The following FOXN3 variants were observed in gnomAD, a reference collection of about 807,000 sequenced individuals.
The protein encoded by FOXN3 is forkhead box protein N3.
FOXN3 carries 7 observed loss-of-function variants against 38.4 expected under a neutral mutation model. The observed-to-expected ratio is 0.18, with a 90% CI of 0.10 to 0.34. FOXN3 has a LOEUF of 0.34. Among genes scored for constraint, FOXN3 ranks in the 10% least tolerant of loss-of-function variants. FOXN3 has a pLI of 1.00. For synonymous variants in FOXN3, 230 were observed against 242.2 expected, an observed-to-expected ratio of 0.95 and a Z score of 0.47; for missense variants, 456 against 613.4, an observed-to-expected ratio of 0.74 and a Z score of 2.71.
rs372782294 is a variant in FOXN3, at chr14:89,569,426, G to T, written c.-15+49602C>A. ...CTCTGCTGAGCTGCAGCTGTGGCCTGCCTTCTATTTCCACCTCCTAAAGGA... is the reference window on the plus strand; with the variant it reads ...CTCTGCTGAGCTGCAGCTGTGGCCTTCCTTCTATTTCCACCTCCTAAAGGA... On this transcript the variant is annotated intron_variant, in intron 1 of 6. Transcript: ENST00000345097. 5.3e-5 allele frequency among the ~76,000 whole-genome samples: 8 copies of T among 152,172 alleles called. No individual in the cohort carries two copies. In the East Asian group the frequency reaches 1.2e-3, roughly 22 times the overall value.
chr14:89,278,956 C>A (rs1048010389), intron 4 of FOXN3, among the ~76,000 whole-genome samples: 1 of 152,072 alleles, frequency 6.6e-6, no homozygotes, highest in African/African-American at 2.4e-5. Flanking sequence ...TGCTTGTGGG[C>A]CTTAGCAACT....
intron 4 of FOXN3, among the ~76,000 whole-genome samples, chr14:89,250,390 C>A (rs1566938791): frequency 6.6e-6 from 1 of 152,254 alleles, no homozygotes; most frequent in African/African-American, 2.4e-5. Context: ...GGATTACAGG[C>A]ATGAGCCACT....
intron 1 of FOXN3, among the ~76,000 whole-genome samples, chr14:89,500,726 C>T (rs1032275948): frequency 6.6e-6 from 1 of 152,182 alleles, no homozygotes; most frequent in African/African-American, 2.4e-5. Flanking sequence ...CTGACCTGGC[C>T]CTGCCGGCTG....
intron 3 of FOXN3, among the ~76,000 whole-genome samples, chr14:89,307,215 T>A (rs1230619983): frequency 6.6e-6 from 1 of 152,226 alleles, no homozygotes; most frequent in Admixed American, 6.5e-5. Flanking sequence ...TTATTAAATG[T>A]AATAATCATT....
At chr14:89,237,203 T>A (rs1449873467) in intron 4 of FOXN3, among the ~76,000 whole-genome samples, 1 of 152,114 alleles carries the variant, frequency 6.6e-6, no homozygotes, top group African/African-American at 2.4e-5. Flanking sequence ...CAGAAGAAGA[T>A]TTGCAGATGG....
At chr14:89,617,096 T>G (rs550442899) in intron 1 of FOXN3, among the ~76,000 whole-genome samples, 203 of 152,248 alleles carry the variant, frequency 1.3e-3, no homozygotes, top group Non-Finnish European at 2.1e-3. Flanking sequence ...GTGGGGTTAC[T>G]CCTCTCGGTT....
At chr14:89,173,034 C>T (rs75572412) in intron 5 of FOXN3, among the ~76,000 whole-genome samples, 5,727 of 152,036 alleles carry the variant, frequency 0.038, 152 homozygotes, top group Middle Eastern at 0.085. Context: ...AAAGACCATC[C>T]GCAAACTTAG....
intron 1 of FOXN3, among the ~76,000 whole-genome samples, chr14:89,413,753 G>GGAAGAAGGGAAA (rs139850269): frequency 0.1 from 13,259 of 132,922 alleles, 997 homozygotes; most frequent in South Asian, 0.19. Context: ...GGGAAGGGAA[G>GGAAGAAGGGAAA]GAAGAAGGGA....
intron 5 of FOXN3, among the ~76,000 whole-genome samples, chr14:89,175,973 A>G (rs1410090485): frequency 6.6e-6 from 1 of 152,126 alleles, no homozygotes; most frequent in Non-Finnish European, 1.5e-5. Context: ...GCTATCCATC[A>G]TGGGTTCCAT....
At chr14:89,572,976 G>T (rs183744510) in intron 1 of FOXN3, among the ~76,000 whole-genome samples, 5 of 152,334 alleles carry the variant, frequency 3.3e-5, no homozygotes, top group African/African-American at 1.2e-4. Context: ...CACAACTTCT[G>T]TTAGCCTAAC....
intron 3 of FOXN3, among the ~76,000 whole-genome samples, chr14:89,322,232 G>T (rs1461655674): frequency 2.0e-5 from 3 of 152,198 alleles, no homozygotes; most frequent in Non-Finnish European, 2.9e-5. Flanking sequence ...CTCACAGCTT[G>T]AACAGTAAGA....
Position 89,413,967 on chromosome 14 carries a change from G to A in FOXN3, c.-14-1477C>T, listed in dbSNP as rs1266035257. ...AGAAGGGGGAGGAGGAGGAGGGATG[G>A]AGGAGGAGGAGGAGGAGGAGAAGAA... On this transcript the variant is annotated intron_variant, in intron 1 of 5. Coordinates refer to ENST00000557258, the MANE Select transcript of FOXN3 (RefSeq NM_005197.4). Among the ~76,000 whole-genome samples, 5 of 106,320 alleles carry A rather than the reference G, an allele frequency of 4.7e-5. No homozygotes were observed. The East Asian group carries it at 1.5e-3, about 33-fold the overall frequency. 69.8% of individuals were successfully genotyped at this position (106,320 alleles called of 152,430 possible). A position where few individuals can be genotyped will look rare whatever the true frequency, so the allele number is the denominator to read the frequency against.
chr14:89,211,638 C>G lies in FOXN3; in HGVS notation c.746-30832G>C, dbSNP rs1392971639. On this transcript the variant is annotated intron_variant, in intron 4 of 5. Coordinates refer to ENST00000557258, the MANE Select transcript of FOXN3 (RefSeq NM_005197.4). Reference sequence around the variant, plus strand: ...GCATGTTTCTGGAAAGGGTCCATAGCTTTTATCCAATTCTTTTAGGAGTGG... The same window carrying G: ...GCATGTTTCTGGAAAGGGTCCATAGGTTTTATCCAATTCTTTTAGGAGTGG... Among the ~76,000 whole-genome samples, 3 of 152,184 alleles carry G rather than the reference C, an allele frequency of 2.0e-5. No homozygotes were observed. The South Asian group carries it at 6.2e-4, about 31-fold the overall frequency.
At chr14:89,347,539 C>T (rs1200828861) in intron 3 of FOXN3, among the ~76,000 whole-genome samples, 2 of 152,202 alleles carry the variant, frequency 1.3e-5, no homozygotes, top group Admixed American at 6.5e-5. Context: ...GTTTAAGTCA[C>T]TTGGTTTGAA....
At chr14:89,603,918 G>C (rs1896212487) in intron 1 of FOXN3, among the ~76,000 whole-genome samples, 1 of 152,008 alleles carries the variant, frequency 6.6e-6, no homozygotes, top group African/African-American at 2.4e-5. Context: ...CTACAGAGAG[G>C]ACTTTAAACT....
At chr14:89,380,628 C>G (rs1329529367) in intron 2 of FOXN3, among the ~76,000 whole-genome samples, 4 of 152,226 alleles carry the variant, frequency 2.6e-5, no homozygotes. Flanking sequence ...GTCGTATCAG[C>G]AATCACCTGC....
rs191478830 is a variant in FOXN3, at chr14:89,489,051, G to A, written c.-14-76561C>T. Among the ~76,000 whole-genome samples, 577 of 152,212 alleles carry A rather than the reference G, an allele frequency of 3.8e-3. 1 individual carries two copies. Among genetic ancestry groups the A allele is most frequent in the African/African-American group, 0.013 (540 of 41,520 alleles). The stretch of plus-strand genomic sequence containing the variant: ...CCGATGTTGGTAGGTGAACAAGGGG[G>A]TACTGAAAATGTTTTTCATGTCACA... On this transcript the variant is annotated intron_variant, in intron 1 of 6. Coordinates refer to the FOXN3 transcript ENST00000345097.
intron 2 of FOXN3, among the ~76,000 whole-genome samples, chr14:89,359,038 T>G (rs1889347999): frequency 6.6e-6 from 1 of 152,196 alleles, no homozygotes; most frequent in Admixed American, 6.5e-5. Context: ...CCAGGTGCAG[T>G]GGTTCACACC....
At chr14:89,506,244 G>A (rs1893928956) in intron 1 of FOXN3, among the ~76,000 whole-genome samples, 1 of 78,398 alleles carries the variant, frequency 1.3e-5, no homozygotes, top group Non-Finnish European at 3.4e-5. Context: ...GAGCCCCTCT[G>A]CTCGGCCAGC....
Sources: gnomAD v4.1 joint callset for allele counts (sites outside exome capture counted in the v4.1 genomes callset) on GRCh38, gnomAD v4.1.1 for gene constraint, MANE v1.5 for transcripts, NCBI Gene and HGNC (gene_info 2026-07-23, HGNC 2026-07-21) for gene names.